NTM: variants seen among roughly 807,000 people sequenced by gnomAD.
NTM encodes neurotrimin.
Under a neutral mutation model 42.1 loss-of-function variants are expected in NTM, and 13 were observed. The ratio of observed to expected loss-of-function variants is 0.31; its 90% CI spans 0.20 to 0.49. NTM has a LOEUF of 0.49. Among genes scored for constraint, NTM ranks in the 20% least tolerant of loss-of-function variants. The probability of loss-of-function intolerance (pLI) is 0.99; values close to 1 mark genes in which losing one functional copy is unlikely to be tolerated. For missense variants in NTM, 373 were observed against 452.8 expected (o/e 0.82, Z 1.60); for synonymous variants, 187 against 179.2 (o/e 1.04, Z -0.35).
At chr11:131,590,063 G>T (rs1165430519) in intron 1 of NTM, among the ~76,000 whole-genome samples, 3 of 152,186 alleles carry the variant, frequency 2.0e-5, no homozygotes, top group Non-Finnish European at 4.4e-5. Context: ...ATAATCTGTG[G>T]ATGTAATTTG....
At chr11:132,203,076 G>T (rs1028356051) in intron 3 of NTM, among the ~76,000 whole-genome samples, 1 of 152,162 alleles carries the variant, frequency 6.6e-6, no homozygotes, top group Non-Finnish European at 1.5e-5. Context: ...GAAAATGATG[G>T]CAGCAAGCGC....
intron 2 of NTM, among the ~76,000 whole-genome samples, chr11:132,064,231 A>G (rs932357425): frequency 4.6e-5 from 7 of 152,210 alleles, no homozygotes; most frequent in Admixed American, 3.9e-4. Flanking sequence ...AACAAAATGC[A>G]TAGGATCACA....
chr11:132,279,052 T>C (rs771212425), intron 4 of NTM, among the ~76,000 whole-genome samples: 21 of 152,202 alleles, frequency 1.4e-4, no homozygotes, highest in Non-Finnish European at 2.6e-4. Flanking sequence ...ACATGGTGTT[T>C]CTTCTGTCTG....
intron 1 of NTM, among the ~76,000 whole-genome samples, chr11:131,392,586 T>G (rs758858172): frequency 1.7e-4 from 26 of 152,318 alleles, no homozygotes; most frequent in Admixed American, 6.5e-4. Flanking sequence ...GGATGTGTTT[T>G]ATAAGCTTCG....
At chr11:131,524,656 A>G (rs1237607299) in intron 1 of NTM, among the ~76,000 whole-genome samples, 2 of 152,226 alleles carry the variant, frequency 1.3e-5, no homozygotes, top group African/African-American at 4.8e-5. Flanking sequence ...CCTGAGTCTG[A>G]GACTGGGTTT....
intron 4 of NTM, among the ~76,000 whole-genome samples, chr11:132,253,577 T>C (rs1305239402): frequency 1.3e-5 from 2 of 152,190 alleles, no homozygotes; most frequent in Admixed American, 1.3e-4. Context: ...AATTATCTAG[T>C]CCTATTGTTT....
chr11:132,065,090 A>G (rs2081245836), intron 2 of NTM, among the ~76,000 whole-genome samples: 1 of 151,874 alleles, frequency 6.6e-6, no homozygotes. Flanking sequence ...AGGGCATGTG[A>G]CTCTTGGGGA....
At chr11:132,032,919 G>A (rs2076097669) in intron 2 of NTM, among the ~76,000 whole-genome samples, 1 of 152,148 alleles carries the variant, frequency 6.6e-6, no homozygotes, top group East Asian at 1.9e-4. Flanking sequence ...ATCATCTCAA[G>A]TACCTAGATC....
intron 2 of NTM, among the ~76,000 whole-genome samples, chr11:132,104,937 G>GTGTATA (rs1169190929): frequency 4.9e-5 from 3 of 61,822 alleles, no homozygotes; most frequent in African/African-American, 6.0e-5. Context: ...ATATACATAT[G>GTGTATA]TATATATATA....
rs531368490 is a variant in NTM at position 131,643,764 on chromosome 11, G to A, written c.83-267800G>A. Among the ~76,000 whole-genome samples the A allele has an allele frequency of 5.3e-5, 8 of 152,216 alleles. No individual in the cohort carries two copies. The South Asian group carries it at 1.2e-3, about 24-fold the overall frequency. On this transcript the variant is annotated intron_variant, in intron 1 of 8. Coordinates refer to ENST00000683400, the MANE Select transcript of NTM (RefSeq NM_001352005.2). ...TGCAGAAACGTGTGCTGCCATTACC[G>A]AGCCTGCAGATCTGTGGGTCACAGA...
chr11:132,088,273 G>A (rs1027771366), intron 2 of NTM, among the ~76,000 whole-genome samples: 1 of 152,138 alleles, frequency 6.6e-6, no homozygotes, highest in African/African-American at 2.4e-5. Flanking sequence ...AGCTTCCCCT[G>A]CTCTCAGAAA....
At chr11:132,077,902 A>G (rs2058568872) in intron 2 of NTM, among the ~76,000 whole-genome samples, 2 of 152,258 alleles carry the variant, frequency 1.3e-5, no homozygotes, top group Admixed American at 6.5e-5. Flanking sequence ...CACCTATCCA[A>G]CAAAAAACTT....
At chr11:131,800,104 G>A (rs750424225) in intron 1 of NTM, among the ~76,000 whole-genome samples, 2 of 152,120 alleles carry the variant, frequency 1.3e-5, no homozygotes, top group East Asian at 1.9e-4. Flanking sequence ...CCAAGCCAGC[G>A]GAATGGGTGA....
At chr11:132,153,439 C>T (rs752830367) in intron 3 of NTM, among the ~76,000 whole-genome samples, 9 of 152,150 alleles carry the variant, frequency 5.9e-5, no homozygotes, top group Non-Finnish European at 1.2e-4. Flanking sequence ...CCCAACACTA[C>T]AGATCTGTCT....
At chr11:132,121,455 G>A (rs2064811159) in intron 2 of NTM, among the ~76,000 whole-genome samples, 4 of 151,922 alleles carry the variant, frequency 2.6e-5, no homozygotes, top group Non-Finnish European at 5.9e-5. Flanking sequence ...AGGAGATGAG[G>A]GACAAATGGA....
chr11:132,329,502 A>C (rs1221402419), intron 7 of NTM, among the ~76,000 whole-genome samples: 1 of 152,200 alleles, frequency 6.6e-6, no homozygotes, highest in Non-Finnish European at 1.5e-5. Context: ...TCAGAGCCGC[A>C]GGCTGCCCCA....
intron 2 of NTM, among the ~76,000 whole-genome samples, chr11:132,085,322 T>A (rs2059569625): frequency 1.3e-5 from 2 of 152,366 alleles, no homozygotes; most frequent in South Asian, 4.1e-4. Flanking sequence ...TGGTAGATTG[T>A]TTTAATTATG....
chr11:131,377,844 C>T (rs538738711), intron 1 of NTM, among the ~76,000 whole-genome samples: 15 of 152,300 alleles, frequency 9.8e-5, no homozygotes, highest in South Asian at 6.2e-4. Flanking sequence ...ATTTCCATCA[C>T]GGTGGTGGTG....
chr11:131,456,484 G>A lies in NTM; in HGVS notation c.82+85596G>A, dbSNP rs184462536. 3.5e-4 allele frequency among the ~76,000 whole-genome samples: 53 copies of A among 152,196 alleles called. 1 individual carries two copies. The East Asian group carries it at 7.9e-3, about 23-fold the overall frequency. ...CGTTCTCATCAAGCCAGCTAAAGTC[G>A]AGTGCCCCAGCATGGCTCCCAAAAC... On this transcript the variant is annotated intron_variant, in intron 1 of 8. Transcript: ENST00000683400.
Sources: gnomAD v4.1 joint callset for allele counts (sites outside exome capture counted in the v4.1 genomes callset) on GRCh38, gnomAD v4.1.1 for gene constraint, MANE v1.5 for transcripts, NCBI Gene and HGNC (gene_info 2026-07-23, HGNC 2026-07-21) for gene names.